Variants in TAFA5 observed in about 807,000 individuals in gnomAD.
The protein encoded by TAFA5 is chemokine-like protein TAFA-5.
Under a neutral mutation model 15.3 loss-of-function variants are expected in TAFA5, and 6 were observed. The observed-to-expected ratio is 0.39, with a 90% CI of 0.21 to 0.77. The LOEUF (loss-of-function observed/expected upper bound fraction) is 0.77. Ranked by LOEUF, TAFA5 falls within the 30% of genes least tolerant of loss-of-function variation. The pLI, the probability that TAFA5 is intolerant of heterozygous loss-of-function variation, is 0.41. For missense variants in TAFA5, 161 were observed against 193.1 expected (o/e 0.83, Z 0.98); for synonymous variants, 103 against 80.7 (o/e 1.28, Z -1.48).
intron 1 of TAFA5, among the ~76,000 whole-genome samples, chr22:48,504,406 G>A (rs1235431364): frequency 6.6e-6 from 1 of 152,222 alleles, no homozygotes; most frequent in East Asian, 1.9e-4. Context: ...TGGGCAGGGG[G>A]GCAGCTGGTC....
In TAFA5 at chr22:48,550,051, A is replaced by G. The variant is rs1225580389; in HGVS notation, c.112+60347A>G. On this transcript the variant is annotated intron_variant, in intron 1 of 3. Transcript: ENST00000402357. This position sits in a 1 kb window ranked among gnomAD's most constrained non-coding sequence, Gnocchi z 4.1. ...GAGAAACCGAGTCACAGAGTGTTTC[A>G]GTAACTGAGAACATTAAGTGACTCG... Among the ~76,000 whole-genome samples the G allele has an allele frequency of 1.3e-5, 2 of 152,218 alleles. No individual in the cohort carries two copies. Among genetic ancestry groups the G allele is most frequent in the African/African-American group, 4.8e-5 (2 of 41,458 alleles).
At chr22:48,545,062 C>A (rs1922614543) in intron 1 of TAFA5, 2 of 359,644 alleles carry the variant, frequency 5.6e-6, no homozygotes, top group South Asian at 4.1e-5. Flanking sequence ...CTCAGGGGAA[C>A]CATGACTTTC....
chr22:48,735,624 C>T (rs375917715), intron 3 of TAFA5, among the ~76,000 whole-genome samples: 2 of 152,216 alleles, frequency 1.3e-5, no homozygotes, highest in East Asian at 1.9e-4. Context: ...GTTAGGCACT[C>T]TGTGGAGAGA....
intron 1 of TAFA5, among the ~76,000 whole-genome samples, chr22:48,561,800 C>G (rs1345218768): frequency 6.6e-6 from 1 of 152,202 alleles, no homozygotes; most frequent in Non-Finnish European, 1.5e-5. Context: ...GGGCTTTGAC[C>G]TTATTTAGAA....
At chr22:48,512,783 G>A (rs528738892) in intron 1 of TAFA5, among the ~76,000 whole-genome samples, 319 of 151,556 alleles carry the variant, frequency 2.1e-3, no homozygotes, top group African/African-American at 7.3e-3. Flanking sequence ...ATTACCCGGG[G>A]GTGGTGGCGA....
chr22:48,744,528 C>G (rs1303522367), intron 3 of TAFA5, among the ~76,000 whole-genome samples: 1 of 152,194 alleles, frequency 6.6e-6, no homozygotes, highest in Non-Finnish European at 1.5e-5. Context: ...GTAGAGCCCC[C>G]ACTGATTCCC....
At chr22:48,627,148 G>A (rs1312198387) in intron 1 of TAFA5, among the ~76,000 whole-genome samples, 2 of 152,332 alleles carry the variant, frequency 1.3e-5, no homozygotes, top group Admixed American at 6.5e-5. Context: ...TTGGCACCAC[G>A]TATGTGTGTC....
intron 1 of TAFA5, among the ~76,000 whole-genome samples, chr22:48,575,605 C>T (rs1173040265): frequency 2.1e-5 from 3 of 146,330 alleles, no homozygotes; most frequent in Non-Finnish European, 3.0e-5. Context: ...CAGCCACCGG[C>T]ACCGGCACCG....
chr22:48,596,453 T>C (rs574471348), intron 1 of TAFA5, among the ~76,000 whole-genome samples: 1 of 152,092 alleles, frequency 6.6e-6, no homozygotes, highest in Non-Finnish European at 1.5e-5. Flanking sequence ...AGGTTGAGAG[T>C]GTGGTTTTAT....
At chr22:48,657,080 T>G (rs1927278264) in intron 2 of TAFA5, among the ~76,000 whole-genome samples, 1 of 152,178 alleles carries the variant, frequency 6.6e-6, no homozygotes, top group Non-Finnish European at 1.5e-5. Flanking sequence ...GCAGGTTAGT[T>G]CTTTCAAAGA....
At chr22:48,529,544 CCAGGCAGGAGATGGGGGTGT>C (rs1921900699) in intron 1 of TAFA5, among the ~76,000 whole-genome samples, 1 of 38,374 alleles carries the variant, frequency 2.6e-5, no homozygotes, top group Non-Finnish European at 4.7e-5. Flanking sequence ...ATGGGGGTGT[CCAGGCAGGAGATGGGGGTGT>C]CAGGCAGGAG....
chr22:48,710,836 C>T (rs1405246732), intron 3 of TAFA5, among the ~76,000 whole-genome samples: 1 of 152,200 alleles, frequency 6.6e-6, no homozygotes, highest in Non-Finnish European at 1.5e-5. Flanking sequence ...TTCCCTTGGG[C>T]CTCACGGGCT....
intron 1 of TAFA5, among the ~76,000 whole-genome samples, chr22:48,629,501 C>T (rs1601627009): frequency 6.6e-6 from 1 of 152,246 alleles, no homozygotes; most frequent in Non-Finnish European, 1.5e-5. Context: ...CCACCTCCTT[C>T]CTGTGTCCCC....
At chr22:48,717,067 T>C (rs2337494) in intron 3 of TAFA5, among the ~76,000 whole-genome samples, 9,549 of 152,244 alleles carry the variant, frequency 0.063, 366 homozygotes, top group Admixed American at 0.095. Context: ...AGAGTACTCA[T>C]CAAGCCCAGA....
chr22:48,612,335 G>C (rs924764999), intron 1 of TAFA5, among the ~76,000 whole-genome samples: 1 of 152,206 alleles, frequency 6.6e-6, no homozygotes, highest in South Asian at 2.1e-4. Context: ...GTGAGATCAC[G>C]GCAGGCCACG....
At chr22:48,645,546 C>T (rs1422221979) in intron 1 of TAFA5, among the ~76,000 whole-genome samples, 1 of 152,086 alleles carries the variant, frequency 6.6e-6, no homozygotes, top group Non-Finnish European at 1.5e-5. Context: ...TGTGTCCCTT[C>T]TCTGTACCAC....
chr22:48,710,742 C>T (rs774958436), intron 3 of TAFA5, among the ~76,000 whole-genome samples: 5 of 152,216 alleles, frequency 3.3e-5, no homozygotes, highest in African/African-American at 4.8e-5. Flanking sequence ...GGGTTCGAGC[C>T]TTCCTGGCTT....
chr22:48,724,327 T>C (rs1294827767), intron 3 of TAFA5, among the ~76,000 whole-genome samples: 1 of 152,198 alleles, frequency 6.6e-6, no homozygotes, highest in Non-Finnish European at 1.5e-5. Context: ...CACAGGGACA[T>C]GTGACTGATG....
intron 3 of TAFA5, 115 bp from the exon 4 acceptor site, chr22:48,749,724 A>G: frequency 8.5e-7 from 1 of 1,172,074 alleles, no homozygotes; most frequent in Non-Finnish European, 1.2e-6. Context: ...TCTTCGTTTC[A>G]GGCCCTCCAG....
Sources: allele counts gnomAD v4.1 joint callset (sites outside exome capture counted in the v4.1 genomes callset), GRCh38; gene constraint gnomAD v4.1.1; non-coding constraint Gnocchi (gnomAD v3.1); transcripts MANE v1.5; gene names NCBI Gene and HGNC (gene_info 2026-07-23, HGNC 2026-07-21).